Variants in AFF2 observed in about 807,000 individuals in gnomAD.
The protein encoded by AFF2 is ALF transcription elongation factor 2.
In AFF2, 14 loss-of-function variants were observed where a neutral mutation model predicts 76.9. That is an observed-to-expected ratio of 0.18 (90% CI 0.12 to 0.28). AFF2 has a LOEUF of 0.28. Ranked by LOEUF, AFF2 falls within the 10% of genes least tolerant of loss-of-function variation. The pLI is 1.00. For missense variants in AFF2, 868 were observed against 1,001.1 expected (o/e 0.87, Z 1.79); for synonymous variants, 398 against 366.7 (o/e 1.09, Z -0.98).
At chrX:148,971,863 G>A (rs573481412) in intron 15 of AFF2, among the ~76,000 whole-genome samples, 145 of 36,904 alleles carry the variant, frequency 3.9e-3, no homozygotes, top group South Asian at 0.017. Flanking sequence ...ATGCTGGTGC[G>A]CTGCACCCAC....
intron 1 of AFF2, 67 bp downstream of exon 1, chrX:148,501,211 T>A: frequency 8.5e-7 from 1 of 1,175,162 alleles, no homozygotes. Context: ...GGTTTTCGCC[T>A]TTGTTAAGAG....
rs201667758 is a variant in AFF2, at chrX:148,671,014, AT to A, written c.1041+8255del. On this transcript the variant is annotated intron_variant, in intron 3 of 20. Coordinates refer to ENST00000370460, the MANE Select transcript of AFF2 (RefSeq NM_002025.4). ...TCAAGTCCTCTTCTTTCTCCTATGTATTTTTTTTTCTTTTCTAAGGCTGTAT... is the reference window on the plus strand; with the variant it reads ...TCAAGTCCTCTTCTTTCTCCTATGTATTTTTTTTCTTTTCTAAGGCTGTAT... Among the ~76,000 whole-genome samples the A allele has an allele frequency of 1.9e-4, 20 of 106,918 alleles. No homozygotes were observed. In the Admixed American group the frequency reaches 1.9e-3, roughly 10 times the overall value. The allele number at this position is 106,918 out of a possible 115,157, so 92.8% of individuals were successfully genotyped here.
intron 1 of AFF2, among the ~76,000 whole-genome samples, chrX:148,573,382 A>C (rs1454688878): frequency 1.8e-5 from 2 of 111,363 alleles, no homozygotes; most frequent in East Asian, 2.8e-4. Context: ...GCCTGGGGGA[A>C]GTGCTATATG....
chrX:148,543,082 C>T (rs1029886739), intron 1 of AFF2, among the ~76,000 whole-genome samples: 2 of 111,447 alleles, frequency 1.8e-5, no homozygotes, highest in Admixed American at 9.5e-5. Context: ...GGACTGGATC[C>T]GGGCCTCCTA....
chrX:148,647,388 T>G (rs782471833), intron 1 of AFF2, among the ~76,000 whole-genome samples: 2 of 111,848 alleles, frequency 1.8e-5, no homozygotes, highest in Non-Finnish European at 3.8e-5. Flanking sequence ...ATAACCAAAT[T>G]AGGTAAACAA....
intron 3 of AFF2, among the ~76,000 whole-genome samples, chrX:148,702,889 G>A (rs1557261998): frequency 1.8e-5 from 2 of 112,138 alleles, no homozygotes; most frequent in Non-Finnish European, 1.9e-5. Flanking sequence ...CTGTTTGCTC[G>A]AGATACGATT....
chrX:148,520,189 C>T (rs1557234310), intron 1 of AFF2, among the ~76,000 whole-genome samples: 2 of 111,627 alleles, frequency 1.8e-5, no homozygotes, highest in African/African-American at 6.5e-5. Context: ...CCCTTTTTCC[C>T]TCTTTAACTT....
chrX:148,911,361 G>A (rs2071467206), intron 9 of AFF2, among the ~76,000 whole-genome samples: 1 of 111,578 alleles, frequency 9.0e-6, no homozygotes, highest in African/African-American at 3.3e-5. Flanking sequence ...CTCTTGTGAT[G>A]TTCTTGTATA....
At chrX:148,778,447 C>A (rs1340973844) in intron 3 of AFF2, among the ~76,000 whole-genome samples, 1 of 110,767 alleles carries the variant, frequency 9.0e-6, no homozygotes, top group East Asian at 2.8e-4. Flanking sequence ...CTCTTTGTAC[C>A]TCTGGTGGAA....
intron 3 of AFF2, among the ~76,000 whole-genome samples, chrX:148,733,655 T>A (rs975859169): frequency 3.6e-5 from 4 of 112,102 alleles, no homozygotes; most frequent in Non-Finnish European, 7.5e-5. Context: ...ACGATTTGTG[T>A]TTTTGTGCTT....
chrX:148,867,650 C>CAG (rs1481754018), intron 7 of AFF2, among the ~76,000 whole-genome samples: 1 of 112,146 alleles, frequency 8.9e-6, no homozygotes, highest in African/African-American at 3.2e-5. Context: ...GAAGGCAACA[C>CAG]AGATGTTCAT....
chrX:148,506,580 TTATA>T (rs1287517579), intron 1 of AFF2, among the ~76,000 whole-genome samples: 1 of 107,863 alleles, frequency 9.3e-6, no homozygotes, highest in Admixed American at 9.9e-5. Context: ...GAATGGAAAA[TTATA>T]TATATATATA....
In AFF2 at chrX:148,827,023, G is replaced by A. The variant is rs782600934; in HGVS notation, c.1087-10624G>A. On this transcript the variant is annotated intron_variant, in intron 4 of 20. Transcript: ENST00000370460. ...TAGACTGACATCTTGTGATAGATTT[G>A]TTAGTTAATTTCATGTGAATGGGAC... is the stretch of plus-strand genomic sequence containing the variant. Among the ~76,000 whole-genome samples, 3 of 111,527 alleles carry A rather than the reference G, an allele frequency of 2.7e-5. No individual in the cohort carries two copies. The South Asian group carries it at 1.1e-3, about 42-fold the overall frequency.
At chrX:148,839,361 C>A (rs1278138467) in intron 5 of AFF2, among the ~76,000 whole-genome samples, 4 of 112,235 alleles carry the variant, frequency 3.6e-5, no homozygotes, top group Non-Finnish European at 5.6e-5. Context: ...TAAATAACAA[C>A]CAACACATAC....
Position 148,955,770 on chromosome X carries a change from T to C in AFF2, c.1725T>C (p.Asn575=), listed in dbSNP as rs370610365. The C allele has an allele frequency of 8.3e-7, 1 of 1,211,815 alleles. No individual in the cohort carries two copies. Among genetic ancestry groups the C allele is most frequent in the South Asian group, 1.8e-5 (1 of 56,955 alleles). Residue 575 remains asparagine, a synonymous_variant, in exon 11 of 21, where the codon AAT becomes AAC. Transcript: ENST00000370460. ...AAGTCCAGATGAAAGTGAAGACGAA[T>C]GCCAGTCAGGTCCCAGCTGAACCCA... ...PMEVQMKVKT[N]ASQVPAEPKE...
At chrX:148,558,410 G>C (rs2053075542) in intron 1 of AFF2, among the ~76,000 whole-genome samples, 2 of 111,089 alleles carry the variant, frequency 1.8e-5, no homozygotes, top group South Asian at 7.7e-4. Context: ...TTAACATGCT[G>C]CACCTTTGAA....
chrX:148,939,287 A>G (rs868920551), intron 9 of AFF2, among the ~76,000 whole-genome samples: 1 of 112,143 alleles, frequency 8.9e-6, no homozygotes, highest in Admixed American at 9.5e-5. Flanking sequence ...CTGGAAGCCT[A>G]TCAGTTTTCA....
intron 3 of AFF2, among the ~76,000 whole-genome samples, chrX:148,751,909 G>A (rs1455170188): frequency 8.9e-6 from 1 of 112,084 alleles, no homozygotes; most frequent in African/African-American, 3.2e-5. Context: ...CAGTTCCAGA[G>A]GCTGAGAAGT....
intron 5 of AFF2, among the ~76,000 whole-genome samples, chrX:148,840,499 C>T (rs1446842579): frequency 8.9e-6 from 1 of 112,143 alleles, no homozygotes; most frequent in African/African-American, 3.2e-5. Flanking sequence ...GACCCTTGCT[C>T]TATAATCTAG....
Sources: gnomAD v4.1 joint callset for allele counts (sites outside exome capture counted in the v4.1 genomes callset) on GRCh38, gnomAD v4.1.1 for gene constraint, MANE v1.5 for transcripts, NCBI Gene and HGNC (gene_info 2026-07-23, HGNC 2026-07-21) for gene names.